SHANK2: variants seen among roughly 807,000 people sequenced by gnomAD.
The protein encoded by SHANK2 is SH3 and multiple ankyrin repeat domains protein 2.
SHANK2 carries 43 observed loss-of-function variants against 133.7 expected under a neutral mutation model. The ratio of observed to expected loss-of-function variants is 0.32; its 90% confidence interval spans 0.25 to 0.41. The LOEUF is 0.41. Among genes scored for constraint, SHANK2 ranks in the 10% least tolerant of loss-of-function variants. SHANK2 has a pLI of 1.00. For missense variants in SHANK2, 1,994 were observed against 2,235.8 expected (o/e 0.89, Z 2.18); for synonymous variants, 1,017 against 952.8 (o/e 1.07, Z -1.24).
intron 8 of SHANK2, among the ~76,000 whole-genome samples, chr11:71,079,854 G>GGGGAA (rs1951271161): frequency 1.1e-5 from 1 of 89,764 alleles, no homozygotes; most frequent in African/African-American, 4.2e-5. Context: ...AGGAAGGGGA[G>GGGGAA]GGGAAGGGAG....
At chr11:70,863,559 A>C in intron 11 of SHANK2, 1 of 457,992 alleles carries the variant, frequency 2.2e-6, no homozygotes, top group South Asian at 1.5e-5. Context: ...GATCCCAGTG[A>C]AGGTACAATT....
chr11:70,501,885 AG>A, intron 20 of SHANK2, 37 bp downstream of exon 20: 2 of 1,556,012 alleles, frequency 1.3e-6, no homozygotes, highest in East Asian at 2.4e-5. Flanking sequence ...CCTAGACAGC[AG>A]GGGGAGCTGC....
intron 2 of SHANK2, among the ~76,000 whole-genome samples, chr11:71,211,009 A>G (rs1388662036): frequency 1.3e-5 from 2 of 152,052 alleles, no homozygotes; most frequent in Non-Finnish European, 2.9e-5. Context: ...GGATCCTGCC[A>G]TTTGACCCCT....
intron 11 of SHANK2, chr11:70,862,848 T>C (rs1949283464): frequency 3.7e-6 from 1 of 273,954 alleles, no homozygotes; most frequent in African/African-American, 2.2e-5. Flanking sequence ...GGACACAGTC[T>C]AGAGTCTAGT....
At chr11:70,571,436 C>T (rs2060044067) in intron 17 of SHANK2, 1 of 152,204 alleles carries the variant, frequency 6.6e-6, no homozygotes, top group Non-Finnish European at 1.5e-5. Context: ...GGCAGCAGGT[C>T]CTGGATACTT....
At chr11:70,845,526 T>A (rs1555063001) in intron 11 of SHANK2, among the ~76,000 whole-genome samples, 1 of 152,002 alleles carries the variant, frequency 6.6e-6, no homozygotes, top group African/African-American at 2.4e-5. Context: ...GGGGCCATCT[T>A]AGGTGCCGAG....
chr11:70,597,323 C>T (rs2060414945), intron 17 of SHANK2, among the ~76,000 whole-genome samples: 1 of 152,128 alleles, frequency 6.6e-6, no homozygotes, highest in Admixed American at 6.6e-5. Context: ...TGTGGAGATG[C>T]CAAGAAGCAG....
intron 2 of SHANK2, among the ~76,000 whole-genome samples, chr11:71,209,404 C>T (rs1261836131): frequency 1.3e-5 from 2 of 152,236 alleles, no homozygotes; most frequent in Non-Finnish European, 2.9e-5. Flanking sequence ...CAGGAGGGAG[C>T]TTCGGTTCGC....
At chr11:71,129,751 T>C (rs11232163) in intron 3 of SHANK2, among the ~76,000 whole-genome samples, 104,858 of 152,126 alleles carry the variant, frequency 0.69, 36,326 homozygotes, top group South Asian at 0.73. Flanking sequence ...CTGAGACTAC[T>C]GGACTGTGGG....
chr11:70,821,426 G>A (rs1360726744), intron 11 of SHANK2, among the ~76,000 whole-genome samples: 7 of 152,080 alleles, frequency 4.6e-5, no homozygotes, highest in African/African-American at 1.7e-4. Flanking sequence ...TTGTTTTGTT[G>A]TTGTTGTTGT....
rs373216486 is a variant in SHANK2, at chr11:70,905,542, G to A, written c.1108-8975C>T. Among the ~76,000 whole-genome samples the A allele has an allele frequency of 1.6e-4, 25 of 152,316 alleles. 1 individual carries two copies. Among genetic ancestry groups the A allele is most frequent in the African/African-American group, 6.0e-4 (25 of 41,570 alleles). ...TGTGTTGAAATGGAAGCCCCAGTGT[G>A]AGGGTGTTAGGAGCTGGGGCCTTTG... On this transcript the variant is annotated intron_variant, in intron 10 of 25. Coordinates refer to ENST00000601538, the MANE Select transcript of SHANK2 (RefSeq NM_012309.5).
chr11:70,902,337 A>T (rs1170418510), intron 10 of SHANK2, among the ~76,000 whole-genome samples: 1 of 152,194 alleles, frequency 6.6e-6, no homozygotes, highest in Non-Finnish European at 1.5e-5. Context: ...TCTTCTGTGG[A>T]TCTCAAAGGA....
At chr11:71,219,335 G>A (rs782180283) in intron 2 of SHANK2, among the ~76,000 whole-genome samples, 1 of 152,184 alleles carries the variant, frequency 6.6e-6, no homozygotes, top group African/African-American at 2.4e-5. Context: ...TCACAAAAGA[G>A]AACCCAGATT....
chr11:70,897,594 G>A (rs1365051775), intron 10 of SHANK2, among the ~76,000 whole-genome samples: 1 of 152,226 alleles, frequency 6.6e-6, no homozygotes, highest in African/African-American at 2.4e-5. Flanking sequence ...TTTAGTGCCA[G>A]GAGTGGGGTG....
At chr11:70,748,081 A>G (rs1484589746) in intron 14 of SHANK2, among the ~76,000 whole-genome samples, 5 of 152,160 alleles carry the variant, frequency 3.3e-5, no homozygotes, top group African/African-American at 9.7e-5. Context: ...AAAACTAAAG[A>G]AGTCACATGA....
chr11:70,711,755 C>CAA (rs1286862726), intron 14 of SHANK2, among the ~76,000 whole-genome samples: 1 of 152,258 alleles, frequency 6.6e-6, no homozygotes, highest in Non-Finnish European at 1.5e-5. Flanking sequence ...ACACGTATCA[C>CAA]AAAAATGCCG....
At chr11:70,521,510 A>G (rs1436339491) in intron 17 of SHANK2, among the ~76,000 whole-genome samples, 2 of 152,122 alleles carry the variant, frequency 1.3e-5, no homozygotes, top group East Asian at 1.9e-4. Flanking sequence ...TGAACCTGCT[A>G]CTCTCTCTCT....
chr11:71,191,817 G>C (rs1953799309), intron 2 of SHANK2, among the ~76,000 whole-genome samples: 1 of 151,296 alleles, frequency 6.6e-6, no homozygotes. Context: ...GCCTCCCAAA[G>C]TGCTGGGATT....
intron 9 of SHANK2, among the ~76,000 whole-genome samples, chr11:71,067,775 CCAT>C (rs1951085827): frequency 6.6e-6 from 1 of 151,940 alleles, no homozygotes; most frequent in Non-Finnish European, 1.5e-5. Flanking sequence ...ACCATCACTG[CCAT>C]CATCACCACC....
Sources: allele counts gnomAD v4.1 joint callset (sites outside exome capture counted in the v4.1 genomes callset), GRCh38; gene constraint gnomAD v4.1.1; transcripts MANE v1.5; gene names NCBI Gene and HGNC (gene_info 2026-07-23, HGNC 2026-07-21).